The following AGMO variants were observed in gnomAD, a reference collection of about 807,000 sequenced individuals.
AGMO encodes the protein glyceryl-ether monooxygenase.
Under a neutral mutation model 60.2 loss-of-function variants are expected in AGMO, and 75 were observed. The observed-to-expected ratio is 1.25, with a 90% CI of 1.03 to 1.51. The LOEUF (loss-of-function observed/expected upper bound fraction) is 1.51, where lower values mean the gene tolerates loss of function less well. Ranked by LOEUF, AGMO falls within the 40% of genes most tolerant of loss-of-function variation. The pLI is 0.00. For missense variants in AGMO, 763 were observed against 525.5 expected, an observed-to-expected ratio of 1.45 and a Z score of -4.42; for synonymous variants, 261 against 177.1, an observed-to-expected ratio of 1.47 and a Z score of -3.76.
intron 5 of AGMO, among the ~76,000 whole-genome samples, chr7:15,407,132 G>A (rs1027175067): frequency 7.0e-6 from 1 of 142,192 alleles, no homozygotes; most frequent in Admixed American, 7.2e-5. Context: ...ATATACCCAC[G>A]TATACACATA....
At chr7:15,205,641 T>TA (rs928213205) in intron 12 of AGMO, among the ~76,000 whole-genome samples, 3 of 152,152 alleles carry the variant, frequency 2.0e-5, no homozygotes, top group African/African-American at 7.2e-5. Context: ...ACTTTAAGTA[T>TA]AAAATGGCAT....
intron 6 of AGMO, among the ~76,000 whole-genome samples, chr7:15,393,562 GT>G (rs1784240434): frequency 6.6e-6 from 1 of 152,184 alleles, no homozygotes; most frequent in African/African-American, 2.4e-5. Flanking sequence ...GGTACACAAT[GT>G]AAACATTTTT....
chr7:15,229,371 G>C (rs538418643), intron 12 of AGMO, among the ~76,000 whole-genome samples: 2 of 151,768 alleles, frequency 1.3e-5, no homozygotes, highest in South Asian at 4.2e-4. Context: ...TGGATTCTAA[G>C]GGTTCGAATA....
chr7:15,400,394 G>C (rs1784521033), intron 5 of AGMO, among the ~76,000 whole-genome samples: 2 of 152,102 alleles, frequency 1.3e-5, no homozygotes, highest in African/African-American at 4.8e-5. Flanking sequence ...ACAATAAATA[G>C]GACAAGCCCC....
chr7:15,448,129 A>G (rs541104078), intron 3 of AGMO, among the ~76,000 whole-genome samples: 66 of 152,306 alleles, frequency 4.3e-4, no homozygotes, highest in African/African-American at 1.4e-3. Context: ...GAACCATCCA[A>G]TGAAATGAAC....
the AGMO span, among the ~76,000 whole-genome samples, chr7:15,163,987 C>G: frequency 6.6e-6 from 1 of 152,028 alleles, no homozygotes; most frequent in East Asian, 1.9e-4. Context: ...TGGGAGATTT[C>G]TTATTACTGG....
At chr7:15,216,395 A>C (rs1217196647) in intron 12 of AGMO, among the ~76,000 whole-genome samples, 1 of 152,034 alleles carries the variant, frequency 6.6e-6, no homozygotes, top group African/African-American at 2.4e-5. Flanking sequence ...TCCTTTTTCT[A>C]TGTTTTTTTT....
At chr7:15,306,445 T>C (rs1271742651) in intron 12 of AGMO, 3 of 454,252 alleles carry the variant, frequency 6.6e-6, no homozygotes, top group Middle Eastern at 3.4e-4. Context: ...ATAGGAAACA[T>C]ATTCTTCTGC....
chr7:15,370,230 G>C (rs1783149331), intron 10 of AGMO, among the ~76,000 whole-genome samples: 1 of 152,146 alleles, frequency 6.6e-6, no homozygotes, highest in African/African-American at 2.4e-5. Context: ...CAAAGGACAT[G>C]AATTCTTTTT....
chr7:15,378,626 T>G (rs1206747680), intron 10 of AGMO, among the ~76,000 whole-genome samples: 1 of 151,676 alleles, frequency 6.6e-6, no homozygotes, highest in African/African-American at 2.4e-5. Context: ...CTGACAATAT[T>G]AGATCATCCA....
At chr7:15,385,894 G>A (rs577732049) in intron 9 of AGMO, among the ~76,000 whole-genome samples, 4 of 152,200 alleles carry the variant, frequency 2.6e-5, no homozygotes, top group African/African-American at 2.4e-5. Flanking sequence ...AGAAAAAACA[G>A]AAGGTGCCAG....
chr7:15,417,950 T>A (rs553369798), intron 5 of AGMO, among the ~76,000 whole-genome samples: 8 of 152,238 alleles, frequency 5.3e-5, no homozygotes, highest in African/African-American at 1.9e-4. Flanking sequence ...GGTACAAATA[T>A]TCATAAACCA....
chr7:15,505,279 G>T (rs1783483031), intron 3 of AGMO, among the ~76,000 whole-genome samples: 1 of 151,920 alleles, frequency 6.6e-6, no homozygotes, highest in African/African-American at 2.4e-5. Context: ...TCTTCTCAAG[G>T]TCCTCAGGAT....
At chr7:15,278,590 C>G (rs890133173) in intron 12 of AGMO, among the ~76,000 whole-genome samples, 1 of 152,120 alleles carries the variant, frequency 6.6e-6, no homozygotes. Context: ...GCGCGTTTCA[C>G]TGGAAAAGGC....
intron 12 of AGMO, among the ~76,000 whole-genome samples, chr7:15,342,742 A>C (rs1343729508): frequency 1.6e-5 from 2 of 126,828 alleles, no homozygotes; most frequent in Non-Finnish European, 3.2e-5. Flanking sequence ...AACATAGTCA[A>C]GGCTTTTGTT....
intron 3 of AGMO, among the ~76,000 whole-genome samples, chr7:15,495,881 T>C (rs1583614158): frequency 6.7e-6 from 1 of 150,146 alleles, no homozygotes; most frequent in Non-Finnish European, 1.5e-5. Context: ...CTCTCTCTCA[T>C]TCTCTTGCTC....
intron 3 of AGMO, among the ~76,000 whole-genome samples, chr7:15,463,146 T>A (rs1053178258): frequency 2.0e-5 from 3 of 152,194 alleles, no homozygotes; most frequent in Non-Finnish European, 2.9e-5. Context: ...GATGTAATGA[T>A]TCATCACTCT....
intron 10 of AGMO, among the ~76,000 whole-genome samples, chr7:15,384,243 T>G (rs1783821597): frequency 6.6e-6 from 1 of 152,182 alleles, no homozygotes; most frequent in African/African-American, 2.4e-5. Context: ...AGCCTCAATT[T>G]AGTCCATCTT....
At chr7:15,438,265 T>A (rs1327257438) in intron 3 of AGMO, among the ~76,000 whole-genome samples, 2 of 151,700 alleles carry the variant, frequency 1.3e-5, no homozygotes. Context: ...TTAGTAATAA[T>A]AATAAATATT....
Sources: gnomAD v4.1 joint callset for allele counts (sites outside exome capture counted in the v4.1 genomes callset) on GRCh38, gnomAD v4.1.1 for gene constraint, MANE v1.5 for transcripts, NCBI Gene and HGNC (gene_info 2026-07-23, HGNC 2026-07-21) for gene names.